ABCC1: variants seen among roughly 807,000 people sequenced by gnomAD.
The protein encoded by ABCC1 is multidrug resistance-associated protein 1.
In ABCC1, 83 loss-of-function variants were observed where a neutral mutation model predicts 172.9. The ratio of observed to expected loss-of-function variants is 0.48; its 90% CI spans 0.40 to 0.58. The LOEUF is 0.58. Among genes scored for constraint, ABCC1 ranks in the 20% least tolerant of loss-of-function variants. ABCC1 has a pLI of 0.00. For synonymous variants in ABCC1, 937 were observed against 825.2 expected (o/e 1.14, Z -2.32); for missense variants, 1,817 against 2,002.7 (o/e 0.91, Z 1.77).
intron 30 of ABCC1, 127 bp from the exon 31 acceptor site, chr16:16,141,046 G>A: frequency 1.4e-6 from 1 of 732,984 alleles, no homozygotes; most frequent in African/African-American, 1.7e-5. Flanking sequence ...GGAAGGTACT[G>A]CACCAGTCCT....
rs889964201 is a variant in ABCC1 at position 16,056,139 on chromosome 16, A to G, written c.1521A>G (p.Glu507=). Residue 507 remains glutamate, a synonymous_variant, in exon 12 of 31, where the codon GAA becomes GAG. Transcript: ENST00000399410. ...SKDNRIKLMN[E]ILNGIKVLKL... is the part of the protein sequence containing the mutation. ...ACAATCGGATCAAGCTGATGAACGA[A>G]ATTCTCAATGGGATCAAAGTGCTAA... The G allele has an allele frequency of 6.2e-7, 1 of 1,613,956 alleles. No homozygotes were observed. Among genetic ancestry groups the G allele is most frequent in the African/African-American group, 1.3e-5 (1 of 74,886 alleles).
Position 16,115,425 on chromosome 16 carries a change from G to A in ABCC1, c.3390+349G>A, listed in dbSNP as rs1227877457. 2.0e-5 allele frequency among the ~76,000 whole-genome samples: 3 copies of A among 152,060 alleles called. No homozygotes were observed. In the East Asian group the frequency reaches 5.8e-4, roughly 29 times the overall value. On this transcript the variant is annotated intron_variant, in intron 23 of 30. Transcript: ENST00000399410. Reference sequence around the variant, plus strand: ...GCTGGAGTGCAGTGGCACAATCTTGGCTTACTGCAACCTCCACCTCCCAGT... The same window carrying A: ...GCTGGAGTGCAGTGGCACAATCTTGACTTACTGCAACCTCCACCTCCCAGT...
intron 1 of ABCC1, among the ~76,000 whole-genome samples, chr16:15,959,169 A>G (rs1039979018): frequency 8.6e-5 from 13 of 151,996 alleles, no homozygotes; most frequent in Non-Finnish European, 4.4e-5. Context: ...GCTTAATGAG[A>G]CGTTAAGGAG....
intron 1 of ABCC1, among the ~76,000 whole-genome samples, chr16:15,982,718 A>T (rs931459805): frequency 2.8e-5 from 4 of 142,282 alleles, no homozygotes; most frequent in Non-Finnish European, 4.5e-5. Context: ...AGATGGGAGG[A>T]TTGCTTAAGT....
intron 23 of ABCC1, among the ~76,000 whole-genome samples, chr16:16,119,841 G>A (rs2045073091): frequency 6.6e-6 from 1 of 152,080 alleles, no homozygotes; most frequent in Admixed American, 6.6e-5. Context: ...AAGCAAGCTG[G>A]TAAGAGAGGA....
At chr16:16,050,713 T>A (rs1393764464) in intron 10 of ABCC1, among the ~76,000 whole-genome samples, 2 of 119,624 alleles carry the variant, frequency 1.7e-5, no homozygotes, top group Non-Finnish European at 3.3e-5. Flanking sequence ...GGCAACATAG[T>A]GAGACCCTGT....
intron 1 of ABCC1, among the ~76,000 whole-genome samples, chr16:15,977,595 C>T (rs983769127): frequency 6.6e-6 from 1 of 152,068 alleles, no homozygotes; most frequent in African/African-American, 2.4e-5. Flanking sequence ...GAGGTTCCCT[C>T]CTGTCTCCAT....
chr16:16,136,703 G>C, intron 29 of ABCC1, 59 bp downstream of exon 29: 1 of 1,567,834 alleles, frequency 6.4e-7, no homozygotes, highest in Non-Finnish European at 8.7e-7. Context: ...ATCTCGGTAG[G>C]GGTGTTTGAA....
intron 19 of ABCC1, chr16:16,095,033 G>C (rs1247713707): frequency 1.3e-5 from 2 of 151,248 alleles, no homozygotes; most frequent in African/African-American, 2.4e-5. Context: ...GACCAGGCTG[G>C]TCTCAAACTC....
rs2049934600 is a variant in ABCC1, at chr16:16,061,927, C to G, written c.1677+5632C>G. 2.0e-5 allele frequency among the ~76,000 whole-genome samples: 3 copies of G among 152,154 alleles called. No homozygotes were observed. In the South Asian group the frequency reaches 6.2e-4, roughly 32 times the overall value. ...CAGCTGGGACTACAAGCATGCACCA[C>G]CATGCCCAGCTAATTTCTGTAATTT... On this transcript the variant is annotated intron_variant, in intron 12 of 30. Coordinates refer to ENST00000399410, the MANE Select transcript of ABCC1 (RefSeq NM_004996.4).
chr16:16,137,479 C>T (rs1184994431), intron 29 of ABCC1, among the ~76,000 whole-genome samples: 1 of 144,526 alleles, frequency 6.9e-6, no homozygotes, highest in Admixed American at 6.9e-5. Flanking sequence ...AAGCAAGGAA[C>T]ATGTCTGATT....
At chr16:16,104,983 A>G (rs1316686303) in intron 20 of ABCC1, among the ~76,000 whole-genome samples, 1 of 151,096 alleles carries the variant, frequency 6.6e-6, no homozygotes, top group South Asian at 2.1e-4. Context: ...CGCCCTGTGC[A>G]GCTCCGGTTC....
chr16:16,133,995 G>A (rs1429804906), intron 27 of ABCC1, among the ~76,000 whole-genome samples: 3 of 152,210 alleles, frequency 2.0e-5, no homozygotes, highest in Non-Finnish European at 4.4e-5. Flanking sequence ...GTGAAAAACA[G>A]TGGGGAAATG....
intron 3 of ABCC1, among the ~76,000 whole-genome samples, chr16:16,012,395 T>G (rs1455995571): frequency 6.6e-6 from 1 of 152,060 alleles, no homozygotes; most frequent in Non-Finnish European, 1.5e-5. Flanking sequence ...GTTCCATAAA[T>G]GCATGGAGGG....
At chr16:15,960,518 A>G (rs764535167) in intron 1 of ABCC1, among the ~76,000 whole-genome samples, 4 of 152,182 alleles carry the variant, frequency 2.6e-5, no homozygotes, top group Non-Finnish European at 4.4e-5. Context: ...AACAGGACAG[A>G]CCAGGCCCAT....
At chr16:16,068,403 C>T (rs998922104) in intron 13 of ABCC1, 101 bp downstream of exon 13, 41 of 1,402,254 alleles carry the variant, frequency 2.9e-5, no homozygotes, top group South Asian at 2.5e-4. Context: ...ATCACACTCC[C>T]GGTCGGGCTC....
intron 12 of ABCC1, among the ~76,000 whole-genome samples, chr16:16,059,810 GC>G (rs569708032): frequency 2.0e-5 from 3 of 149,036 alleles, no homozygotes; most frequent in Non-Finnish European, 4.5e-5. Context: ...TCCTGCTGCT[GC>G]CCCCCCACCC....
chr16:16,065,043 G>GGAGT (rs2050061419), intron 12 of ABCC1, among the ~76,000 whole-genome samples: 1 of 152,182 alleles, frequency 6.6e-6, no homozygotes, highest in African/African-American at 2.4e-5. Context: ...GGCCAACCAG[G>GGAGT]GAGTAGCAAG....
chr16:16,121,839 G>A (rs2045170989), intron 23 of ABCC1, 136 bp from the exon 24 acceptor site: 1 of 836,010 alleles, frequency 1.2e-6, no homozygotes, highest in Admixed American at 2.4e-5. Context: ...GGGCACCCCT[G>A]TGAGGGCAGC....
Sources: allele counts gnomAD v4.1 joint callset (sites outside exome capture counted in the v4.1 genomes callset), GRCh38; gene constraint gnomAD v4.1.1; transcripts MANE v1.5; gene names NCBI Gene and HGNC (gene_info 2026-07-23, HGNC 2026-07-21).